ENTHD1: variants seen among roughly 807,000 people sequenced by gnomAD.
The protein encoded by ENTHD1 is ENTH domain-containing protein 1.
Under a neutral mutation model 39.1 loss-of-function variants are expected in ENTHD1, and 23 were observed. The observed-to-expected ratio is 0.59, with a 90% CI of 0.42 to 0.83. ENTHD1 has a LOEUF of 0.83. Among genes scored for constraint, ENTHD1 ranks in the 40% least tolerant of loss-of-function variants. The pLI, the probability that ENTHD1 is intolerant of heterozygous loss-of-function variation, is 0.00. For synonymous variants in ENTHD1, 230 were observed against 258.2 expected, an observed-to-expected ratio of 0.89 and a Z score of 1.05; for missense variants, 624 against 705.4, an observed-to-expected ratio of 0.88 and a Z score of 1.31.
intron 5 of ENTHD1, among the ~76,000 whole-genome samples, chr22:39,802,442 C>T (rs1054188433): frequency 2.0e-5 from 3 of 152,190 alleles, no homozygotes; most frequent in African/African-American, 7.2e-5. Context: ...TTTTTGGTCT[C>T]TTTGTGTGAC....
rs577059547 is a variant in ENTHD1, at chr22:39,886,174, C to CT, written c.349+1225dup. On this transcript the variant is annotated intron_variant, in intron 2 of 6. Coordinates refer to ENST00000325157, the MANE Select transcript of ENTHD1 (RefSeq NM_152512.4). ...GAAACCAGTCTGAAAAAGCTACATA[C>CT]TTTAAGATTCCAACTATACGACATC... 1.2e-4 allele frequency among the ~76,000 whole-genome samples: 18 copies of CT among 152,034 alleles called. No individual in the cohort carries two copies. The South Asian group carries it at 3.7e-3, about 32-fold the overall frequency.
At chr22:39,799,949 C>G (rs2065585295) in intron 5 of ENTHD1, among the ~76,000 whole-genome samples, 1 of 152,142 alleles carries the variant, frequency 6.6e-6, no homozygotes, top group South Asian at 2.1e-4. Context: ...AGGATGTAGT[C>G]TGGTGGGGGC....
chr22:39,779,631 A>T (rs2146582693), intron 5 of ENTHD1, among the ~76,000 whole-genome samples: 1 of 152,296 alleles, frequency 6.6e-6, no homozygotes, highest in Non-Finnish European at 1.5e-5. Flanking sequence ...GAATACTCTA[A>T]TACTGTAACT....
chr22:39,864,549 A>G (rs2066169408), intron 2 of ENTHD1, among the ~76,000 whole-genome samples: 1 of 152,162 alleles, frequency 6.6e-6, no homozygotes, highest in South Asian at 2.1e-4. Context: ...CACCAAAAAT[A>G]TAAGCTCCAT....
At chr22:39,840,502 G>T (rs1382315174) in intron 3 of ENTHD1, among the ~76,000 whole-genome samples, 3 of 152,178 alleles carry the variant, frequency 2.0e-5, no homozygotes, top group Non-Finnish European at 4.4e-5. Context: ...TTTCCAAATT[G>T]TTCCATTTAT....
At position 39,887,781 on chromosome 22, in the gene ENTHD1, T is replaced by C. The variant is rs777650407; in HGVS notation, c.-33A>G. ...ACAAGTTCCAAGGTGAGATGGAGGA[T>C]GAAAGCAATGGAATAACAGTTTATG... is the stretch of plus-strand genomic sequence containing the variant. On this transcript the variant is annotated 5_prime_UTR_variant, in exon 2 of 7. Coordinates refer to ENST00000325157, the MANE Select transcript of ENTHD1 (RefSeq NM_152512.4). The C allele has an allele frequency of 6.9e-7, 1 of 1,448,346 alleles. No homozygotes were observed. The highest frequency in any genetic ancestry group is 2.2e-5 in the Admixed American group (1 of 45,606). The allele number at this position is 1,448,346 out of a possible 1,614,324, so 89.7% of individuals were successfully genotyped here. A position where few individuals can be genotyped will look rare whatever the true frequency, so the allele number is the denominator to read the frequency against.
At chr22:39,840,389 C>T (rs1399670179) in intron 3 of ENTHD1, among the ~76,000 whole-genome samples, 1 of 152,168 alleles carries the variant, frequency 6.6e-6, no homozygotes, top group Non-Finnish European at 1.5e-5. Flanking sequence ...CTTGTGAACC[C>T]TCCGATATTT....
At position 39,743,624 on chromosome 22, in the gene ENTHD1, A is replaced by G; in HGVS notation, c.*55T>C. On this transcript the variant is annotated 3_prime_UTR_variant, in exon 7 of 7. Transcript: ENST00000325157. Reference sequence around the variant, plus strand: ...ATATGAATTTATACAATGCTAACGTAAGTCTTGGGGAAGTGGAACCACACG... The same window carrying G: ...ATATGAATTTATACAATGCTAACGTGAGTCTTGGGGAAGTGGAACCACACG... The G allele has an allele frequency of 6.6e-7, 1 of 1,514,810 alleles. No homozygotes were observed. Among genetic ancestry groups the G allele is most frequent in the Non-Finnish European group, 8.8e-7 (1 of 1,134,466 alleles). The allele number at this position is 1,514,810 out of a possible 1,614,324, so 93.8% of individuals were successfully genotyped here. A position where few individuals can be genotyped will look rare whatever the true frequency, so the allele number is the denominator to read the frequency against.
chr22:39,887,816 T>C lies in ENTHD1; in HGVS notation c.-68A>G, dbSNP rs1454475350. 5.0e-6 allele frequency: 6 copies of C among 1,199,050 alleles called. No individual in the cohort carries two copies. In the East Asian group the frequency reaches 1.2e-4, roughly 24 times the overall value. 74.3% of individuals were successfully genotyped at this position (1,199,050 alleles called of 1,614,324 possible). A position where few individuals can be genotyped will look rare whatever the true frequency, so the allele number is the denominator to read the frequency against. ...GGAATAACAGTTTATGTCACGGGTT[T>C]ATAAAACTCTTGACAGGTAATTGGT... is the stretch of plus-strand genomic sequence containing the variant. On this transcript the variant is annotated 5_prime_UTR_variant, in exon 2 of 7. In the 5' UTR this introduces an upstream ATG that the reference lacks. Transcript: ENST00000325157.
intron 5 of ENTHD1, among the ~76,000 whole-genome samples, chr22:39,798,186 T>C (rs1273807509): frequency 6.6e-6 from 1 of 152,070 alleles, no homozygotes; most frequent in Non-Finnish European, 1.5e-5. Context: ...AAAAGACATC[T>C]TCATGCTTCC....
At chr22:39,749,164 G>A (rs1448659266) in intron 6 of ENTHD1, among the ~76,000 whole-genome samples, 1 of 152,132 alleles carries the variant, frequency 6.6e-6, no homozygotes, top group Admixed American at 6.5e-5. Context: ...CTCCACAGCT[G>A]TACACATACT....
At chr22:39,798,830 G>A (rs1016039820) in intron 5 of ENTHD1, among the ~76,000 whole-genome samples, 6 of 152,102 alleles carry the variant, frequency 3.9e-5, no homozygotes, top group Non-Finnish European at 7.4e-5. Context: ...TGGGACAACC[G>A]TTGGTCTCCA....
chr22:39,794,389 A>G (rs1416153999), intron 5 of ENTHD1, among the ~76,000 whole-genome samples: 2 of 152,230 alleles, frequency 1.3e-5, no homozygotes, highest in African/African-American at 4.8e-5. Context: ...ATATAAGATC[A>G]TGTCATCTGC....
intron 3 of ENTHD1, among the ~76,000 whole-genome samples, chr22:39,847,583 G>C (rs549074929): frequency 6.6e-6 from 1 of 151,468 alleles, no homozygotes; most frequent in Non-Finnish European, 1.5e-5. Context: ...AAAAAGACAG[G>C]GTCTTGCTGT....
intron 4 of ENTHD1, among the ~76,000 whole-genome samples, chr22:39,822,658 T>C (rs542689210): frequency 6.6e-6 from 1 of 152,342 alleles, no homozygotes; most frequent in Non-Finnish European, 1.5e-5. Context: ...TCATCTATTA[T>C]GAATAAAGCT....
At chr22:39,796,795 T>C (rs2065553640) in intron 5 of ENTHD1, among the ~76,000 whole-genome samples, 1 of 152,216 alleles carries the variant, frequency 6.6e-6, no homozygotes. Context: ...TGGCCTATTA[T>C]CTGTTCTAAA....
intron 1 of ENTHD1, among the ~76,000 whole-genome samples, chr22:39,892,325 A>G (rs1294097175): frequency 1.3e-5 from 2 of 152,196 alleles, no homozygotes; most frequent in Non-Finnish European, 2.9e-5. Flanking sequence ...CTGGCATTAA[A>G]CTATTGGTCC....
intron 1 of ENTHD1, among the ~76,000 whole-genome samples, chr22:39,888,265 T>C (rs1017867562): frequency 3.6e-4 from 49 of 135,214 alleles, no homozygotes; most frequent in Admixed American, 6.4e-4. Context: ...TCTTTCTTTT[T>C]TTTTTTTTTT....
At position 39,861,845 on chromosome 22, in the gene ENTHD1, C is replaced by G; in HGVS notation, c.512G>C (p.Cys171Ser). The change falls in exon 3 of 7, where the codon TGC becomes TCC. Residue 171 changes from cysteine to serine, a missense_variant. Transcript: ENST00000325157. ...AATATCCGGTGTGGGGGCAGAAGTG[C>G]ACGCTGTCAGTGAGTTACTTGAACC... ...QLGSSNSLTACTSAPTPDISA... is the reference protein window; with the variant it reads ...QLGSSNSLTASTSAPTPDISA... 1 of 1,604,606 alleles carries G rather than the reference C, an allele frequency of 6.2e-7. No homozygotes were observed. Among genetic ancestry groups the G allele is most frequent in the Non-Finnish European group, 8.5e-7 (1 of 1,173,664 alleles).
Sources: allele counts gnomAD v4.1 joint callset (sites outside exome capture counted in the v4.1 genomes callset), GRCh38; gene constraint gnomAD v4.1.1; transcripts MANE v1.5; gene names NCBI Gene and HGNC (gene_info 2026-07-23, HGNC 2026-07-21).